The following HEMK2 variants were observed in gnomAD, a reference collection of about 807,000 sequenced individuals.
The protein encoded by HEMK2 is methyltransferase HEMK2.
At chr21:28,596,119 T>G in the HEMK2 span, among the ~76,000 whole-genome samples, 1 of 152,000 alleles carries the variant, frequency 6.6e-6, no homozygotes, top group Non-Finnish European at 1.5e-5. Flanking sequence ...CTCAGCTCAC[T>G]GCAAGCTCTG....
At chr21:28,704,210 C>T in the HEMK2 span, among the ~76,000 whole-genome samples, 13 of 152,144 alleles carry the variant, frequency 8.5e-5, no homozygotes, top group South Asian at 8.3e-4. Flanking sequence ...GTTCAAAATG[C>T]TGACTTTCTA....
At chr21:28,767,789 A>G in the HEMK2 span, among the ~76,000 whole-genome samples, 6 of 152,050 alleles carry the variant, frequency 3.9e-5, no homozygotes, top group South Asian at 1.0e-3. Context: ...TTCCTTCCAT[A>G]AAGTCATTCT....
At chr21:28,629,191 A>G in the HEMK2 span, among the ~76,000 whole-genome samples, 2 of 152,204 alleles carry the variant, frequency 1.3e-5, no homozygotes, top group South Asian at 4.1e-4. Context: ...CTCTTCTCAA[A>G]GACATTTGAT....
the HEMK2 span, among the ~76,000 whole-genome samples, chr21:28,729,529 A>T: frequency 5.3e-5 from 8 of 151,922 alleles, no homozygotes. Context: ...AGAAATGTCT[A>T]CGGCAGGGGT....
the HEMK2 span, among the ~76,000 whole-genome samples, chr21:28,698,829 G>A: frequency 6.6e-6 from 1 of 152,094 alleles, no homozygotes; most frequent in Non-Finnish European, 1.5e-5. Context: ...TCCCTGATTA[G>A]ATATTTTCCC....
At chr21:28,792,512 G>T in the HEMK2 span, among the ~76,000 whole-genome samples, 1 of 152,146 alleles carries the variant, frequency 6.6e-6, no homozygotes, top group Non-Finnish European at 1.5e-5. Flanking sequence ...TCAATGGAAG[G>T]TCCTCTGTGC....
the HEMK2 span, among the ~76,000 whole-genome samples, chr21:28,830,268 A>T: frequency 2.6e-5 from 4 of 152,094 alleles, no homozygotes; most frequent in Non-Finnish European, 5.9e-5. Flanking sequence ...TAATTGGATC[A>T]TGGGGGCAGA....
the HEMK2 span, among the ~76,000 whole-genome samples, chr21:28,841,267 AT>A: frequency 7.2e-4 from 6 of 8,350 alleles, 1 homozygote; most frequent in East Asian, 0.067. Flanking sequence ...TATATAATAT[AT>A]ATTATATATT....
chr21:28,771,320 T>G, the HEMK2 span, among the ~76,000 whole-genome samples: 1 of 152,152 alleles, frequency 6.6e-6, no homozygotes, highest in African/African-American at 2.4e-5. Context: ...AAGTATAAAG[T>G]CAGATATTTT....
chr21:28,682,582 G>A, the HEMK2 span, among the ~76,000 whole-genome samples: 12 of 152,122 alleles, frequency 7.9e-5, no homozygotes, highest in African/African-American at 2.9e-4. Flanking sequence ...AAATCATGCT[G>A]CTATAAAGAC....
At chr21:28,885,362 C>T in the HEMK2 span, 1 of 1,535,622 alleles carries the variant, frequency 6.5e-7, no homozygotes, top group Non-Finnish European at 8.8e-7. Flanking sequence ...TCGCTGCGTT[C>T]CATGCGCGTG....
chr21:28,793,185 A>G, the HEMK2 span, among the ~76,000 whole-genome samples: 2 of 152,208 alleles, frequency 1.3e-5, no homozygotes, highest in Non-Finnish European at 2.9e-5. Flanking sequence ...TTCTGAAGTG[A>G]TGGTCTTTGA....
chr21:28,705,143 C>T, the HEMK2 span, among the ~76,000 whole-genome samples: 235 of 152,052 alleles, frequency 1.5e-3, 1 homozygote, highest in African/African-American at 5.6e-3. Flanking sequence ...TTTTTCTTGT[C>T]CTACCTTGAC....
chr21:28,702,513 C>T, the HEMK2 span, among the ~76,000 whole-genome samples: 1 of 152,146 alleles, frequency 6.6e-6, no homozygotes. Context: ...TGAACAGGCA[C>T]TTTTCAAATG....
the HEMK2 span, among the ~76,000 whole-genome samples, chr21:28,666,228 C>A: frequency 2.0e-5 from 3 of 152,266 alleles, no homozygotes; most frequent in East Asian, 5.8e-4. Flanking sequence ...AAGATTTCTT[C>A]TTACTCTGTC....
At chr21:28,593,741 A>G in the HEMK2 span, among the ~76,000 whole-genome samples, 2 of 152,268 alleles carry the variant, frequency 1.3e-5, no homozygotes, top group African/African-American at 4.8e-5. Context: ...GTATTGGGTT[A>G]TAACCCAAGT....
At chr21:28,789,347 C>CA in the HEMK2 span, among the ~76,000 whole-genome samples, 1 of 152,154 alleles carries the variant, frequency 6.6e-6, no homozygotes, top group East Asian at 1.9e-4. Context: ...GTATAGCTCT[C>CA]AATTGTGGAA....
chr21:28,693,567 A>G, the HEMK2 span, among the ~76,000 whole-genome samples: 1 of 152,250 alleles, frequency 6.6e-6, no homozygotes, highest in African/African-American at 2.4e-5. Context: ...TGATTGCTGC[A>G]GCAATAATGT....
the HEMK2 span, among the ~76,000 whole-genome samples, chr21:28,814,145 G>A: frequency 7.2e-5 from 11 of 152,238 alleles, no homozygotes; most frequent in East Asian, 1.9e-3. Flanking sequence ...GCTGAGGCAG[G>A]AGAATATCTT....
Sources: allele counts gnomAD v4.1 joint callset (sites outside exome capture counted in the v4.1 genomes callset), GRCh38; gene constraint gnomAD v4.1.1; transcripts MANE v1.5; gene names NCBI Gene and HGNC (gene_info 2026-07-23, HGNC 2026-07-21).